The following RCL1 variants were observed in gnomAD, a reference collection of about 807,000 sequenced individuals.
RCL1 encodes RNA 3'-terminal phosphate cyclase-like protein.
In RCL1, 24 loss-of-function variants were observed where a neutral mutation model predicts 42.4. The ratio of observed to expected loss-of-function variants is 0.57; its 90% CI spans 0.41 to 0.80. The LOEUF (loss-of-function observed/expected upper bound fraction) is 0.80. RCL1 is among the 30% of genes least tolerant of loss of function. The pLI is 0.00. For synonymous variants in RCL1, 228 were observed against 177.3 expected (o/e 1.29, Z -2.27); for missense variants, 578 against 467.9 (o/e 1.24, Z -2.17).
At chr9:4,853,519 C>T (rs1353270815) in intron 8 of RCL1, among the ~76,000 whole-genome samples, 1 of 152,054 alleles carries the variant, frequency 6.6e-6, no homozygotes, top group Admixed American at 6.5e-5. Flanking sequence ...GACGGGGTTT[C>T]ATCGTGTTAG....
At chr9:4,832,525 T>G (rs1816973391) in intron 3 of RCL1, among the ~76,000 whole-genome samples, 1 of 152,158 alleles carries the variant, frequency 6.6e-6, no homozygotes, top group Non-Finnish European at 1.5e-5. Flanking sequence ...AGTAGGGTTC[T>G]CCAGGCTGGG....
chr9:4,859,602 G>C (rs573634533), intron 8 of RCL1, among the ~76,000 whole-genome samples: 25 of 152,254 alleles, frequency 1.6e-4, no homozygotes, highest in African/African-American at 6.0e-4. Flanking sequence ...TAGTCATTGT[G>C]CTTGTTTTGA....
intron 1 of RCL1, among the ~76,000 whole-genome samples, chr9:4,801,586 A>G (rs189962889): frequency 1.1e-4 from 17 of 152,252 alleles, no homozygotes; most frequent in Middle Eastern, 3.4e-3. Flanking sequence ...TTATCTTAAT[A>G]TGGTTTCCAG....
At chr9:4,827,070 T>C (rs1816789092) in intron 3 of RCL1, 37 bp downstream of exon 3, 1 of 1,613,654 alleles carries the variant, frequency 6.2e-7, no homozygotes, top group African/African-American at 1.3e-5. Context: ...TGGTTTTTGT[T>C]TTGTCTCTTG....
chr9:4,860,377 C>G lies in RCL1; in HGVS notation c.*102C>G. ...AATGGATTAATCCAGGACAGAATAGCCACTTGCTTAATTTTCTGTGAAGAA... is the reference window on the plus strand; with the variant it reads ...AATGGATTAATCCAGGACAGAATAGGCACTTGCTTAATTTTCTGTGAAGAA... On this transcript the variant is annotated 3_prime_UTR_variant, in exon 9 of 9. Transcript: ENST00000381750. The G allele has an allele frequency of 8.4e-7, 1 of 1,191,858 alleles. No individual in the cohort carries two copies. Among genetic ancestry groups the G allele is most frequent in the Non-Finnish European group, 1.2e-6 (1 of 863,258 alleles). 73.8% of individuals were successfully genotyped at this position (1,191,858 alleles called of 1,614,324 possible). A position where few individuals can be genotyped will look rare whatever the true frequency, so the allele number is the denominator to read the frequency against.
chr9:4,850,176 T>C, intron 8 of RCL1: 1 of 408,128 alleles, frequency 2.5e-6, no homozygotes, highest in Non-Finnish European at 5.5e-6. Flanking sequence ...AAACAGCCTA[T>C]TTGAGTACTG....
At chr9:4,824,051 C>G (rs1816680755) in intron 2 of RCL1, among the ~76,000 whole-genome samples, 2 of 152,236 alleles carry the variant, frequency 1.3e-5, no homozygotes, top group African/African-American at 4.8e-5. Context: ...TCAGCAAAGT[C>G]TCTCCTCTTT....
intron 1 of RCL1, among the ~76,000 whole-genome samples, chr9:4,808,519 G>T (rs1415866585): frequency 6.6e-6 from 1 of 152,106 alleles, no homozygotes; most frequent in African/African-American, 2.4e-5. Flanking sequence ...TGTTGCCCAG[G>T]CTGGTCTCGG....
intron 1 of RCL1, among the ~76,000 whole-genome samples, chr9:4,797,788 C>A (rs192342054): frequency 6.6e-6 from 1 of 152,152 alleles, no homozygotes; most frequent in African/African-American, 2.4e-5. Flanking sequence ...ACAGATCAAA[C>A]TCTGTGACTT....
intron 1 of RCL1, among the ~76,000 whole-genome samples, chr9:4,797,553 T>G (rs908113387): frequency 6.6e-6 from 1 of 152,206 alleles, no homozygotes; most frequent in Admixed American, 6.5e-5. Context: ...GGAATGCTAC[T>G]GGCCTCTAGT....
intron 1 of RCL1, chr9:4,804,735 G>A: frequency 5.4e-6 from 1 of 183,810 alleles, no homozygotes; most frequent in Non-Finnish European, 1.2e-5. Context: ...ATCGGCTGAC[G>A]CCAGCGAGGA....
At chr9:4,816,415 A>G (rs1816379972) in intron 1 of RCL1, among the ~76,000 whole-genome samples, 1 of 152,204 alleles carries the variant, frequency 6.6e-6, no homozygotes, top group Non-Finnish European at 1.5e-5. Context: ...TTTAAAATAT[A>G]AACTCTGTGT....
chr9:4,794,073 C>G (rs1484670216), intron 1 of RCL1, among the ~76,000 whole-genome samples: 1 of 152,190 alleles, frequency 6.6e-6, no homozygotes, highest in Non-Finnish European at 1.5e-5. Flanking sequence ...GGTGGTTATC[C>G]CAAGTTGGGC....
At chr9:4,809,346 T>G (rs1816089464) in intron 1 of RCL1, among the ~76,000 whole-genome samples, 1 of 152,092 alleles carries the variant, frequency 6.6e-6, no homozygotes, top group Non-Finnish European at 1.5e-5. Flanking sequence ...AGTCTTGCTC[T>G]GTCGCCAGGC....
At chr9:4,796,752 C>T (rs920837235) in intron 1 of RCL1, among the ~76,000 whole-genome samples, 2 of 152,098 alleles carry the variant, frequency 1.3e-5, no homozygotes, top group Non-Finnish European at 2.9e-5. Flanking sequence ...ATATATACCA[C>T]ATTTTCTTTA....
intron 8 of RCL1, among the ~76,000 whole-genome samples, chr9:4,850,685 G>A (rs1045594130): frequency 6.6e-6 from 1 of 152,042 alleles, no homozygotes; most frequent in Admixed American, 6.5e-5. Context: ...CCTAAATGGC[G>A]TGGTAACATC....
chr9:4,829,004 G>T (rs1476664682), intron 3 of RCL1, among the ~76,000 whole-genome samples: 1 of 152,080 alleles, frequency 6.6e-6, no homozygotes, highest in East Asian at 1.9e-4. Context: ...TCTTTTCTTT[G>T]TGGTTTCCTC....
At chr9:4,795,507 A>T (rs904414298) in intron 1 of RCL1, among the ~76,000 whole-genome samples, 1 of 152,220 alleles carries the variant, frequency 6.6e-6, no homozygotes, top group African/African-American at 2.4e-5. Flanking sequence ...GCATAAATAG[A>T]TGTAGTCCCT....
intron 5 of RCL1, among the ~76,000 whole-genome samples, chr9:4,834,473 T>C (rs1372334255): frequency 5.4e-4 from 3 of 5,570 alleles, no homozygotes; most frequent in African/African-American, 8.4e-4. Flanking sequence ...GAGTCATTCT[T>C]TTTTTTTTTT....
Sources: allele counts gnomAD v4.1 joint callset (sites outside exome capture counted in the v4.1 genomes callset), GRCh38; gene constraint gnomAD v4.1.1; transcripts MANE v1.5; gene names NCBI Gene and HGNC (gene_info 2026-07-23, HGNC 2026-07-21).